The following MINPP1 variants were observed in gnomAD, a reference collection of about 807,000 sequenced individuals.
MINPP1 encodes multiple inositol-polyphosphate phosphatase 1, also known as multiple inositol polyphosphate phosphatase 1.
MINPP1 carries 28 observed loss-of-function variants against 46.1 expected under a neutral mutation model. The ratio of observed to expected loss-of-function variants is 0.61; its 90% CI spans 0.45 to 0.83. The LOEUF is 0.83. Among genes scored for constraint, MINPP1 ranks in the 40% least tolerant of loss-of-function variants. The pLI is 0.00. For missense variants in MINPP1, 603 were observed against 610.0 expected (o/e 0.99, Z 0.12); for synonymous variants, 268 against 249.1 (o/e 1.08, Z -0.72).
chr10:87,517,163 G>A (rs930117671), intron 3 of MINPP1, among the ~76,000 whole-genome samples: 2 of 151,896 alleles, frequency 1.3e-5, no homozygotes, highest in Non-Finnish European at 2.9e-5. Context: ...AAACTCCCAC[G>A]ACACAAGTTA....
chr10:87,516,362 A>G (rs1229221046), intron 3 of MINPP1, among the ~76,000 whole-genome samples: 2 of 104,742 alleles, frequency 1.9e-5, no homozygotes, highest in East Asian at 4.6e-4. Context: ...CTATACAGTG[A>G]TAGAAGTATA....
At chr10:87,520,454 C>T (rs1221798363) in intron 3 of MINPP1, among the ~76,000 whole-genome samples, 1 of 152,068 alleles carries the variant, frequency 6.6e-6, no homozygotes, top group African/African-American at 2.4e-5. Flanking sequence ...TACATTCCTT[C>T]CAACAGTACC....
rs917977335 is a variant in MINPP1 at position 87,522,644 on chromosome 10, C to T, written c.1067+1475C>T. 2.0e-5 allele frequency among the ~76,000 whole-genome samples: 3 copies of T among 152,164 alleles called. No homozygotes were observed. In the East Asian group the frequency reaches 5.8e-4, roughly 29 times the overall value. ...AGGAAATGCCCATGATCATCTGAGC[C>T]TTCAGAGAGTTGTAATCTTTTTGCA... On this transcript the variant is annotated intron_variant, in intron 4 of 4. Transcript: ENST00000371996.
chr10:87,514,203 C>T (rs1223132351), intron 3 of MINPP1, among the ~76,000 whole-genome samples: 4 of 152,052 alleles, frequency 2.6e-5, no homozygotes, highest in East Asian at 3.9e-4. Context: ...TTCTGTCTAC[C>T]GTGTGTATAT....
rs1171978902 is a variant in MINPP1, at chr10:87,517,146, A to G, written c.934-3890A>G. On this transcript the variant is annotated intron_variant, in intron 3 of 4. Coordinates refer to ENST00000371996, the MANE Select transcript of MINPP1 (RefSeq NM_004897.5). ...TAATAACTGGGTAATGAAGTAATCCATACAACAAACTCCCACGACACAAGT... is the reference window on the plus strand; with the variant it reads ...TAATAACTGGGTAATGAAGTAATCCGTACAACAAACTCCCACGACACAAGT... 2.6e-5 allele frequency among the ~76,000 whole-genome samples: 4 copies of G among 152,294 alleles called. No homozygotes were observed. The East Asian group carries it at 7.7e-4, about 29-fold the overall frequency.
chr10:87,542,597 G>A (rs1194431766), intron 4 of MINPP1, among the ~76,000 whole-genome samples: 2 of 152,164 alleles, frequency 1.3e-5, no homozygotes, highest in African/African-American at 4.8e-5. Flanking sequence ...ACTCTGCCAA[G>A]CCAGTCTTTA....
At position 87,521,144 on chromosome 10, in the gene MINPP1, G is replaced by C. The variant is rs1192494591; in HGVS notation, c.1042G>C (p.Asp348His). 1.2e-6 allele frequency: 2 copies of C among 1,611,702 alleles called. No individual in the cohort carries two copies. The highest frequency in any genetic ancestry group is 2.7e-5 in the African/African-American group (2 of 74,860). ...TLFQDIFQHL[D>H]KAVEQKQRSQ... is the part of the protein sequence containing the mutation. Reference sequence around the variant, plus strand: ...GTTTCAGGATATCTTTCAGCACTTGGACAAAGCAGTTGAACAGAAACAAAG... The same window carrying C: ...GTTTCAGGATATCTTTCAGCACTTGCACAAAGCAGTTGAACAGAAACAAAG... Residue 348 changes from aspartate to histidine, a missense_variant, in exon 4 of 5, where the codon GAC (aspartate) becomes CAC (histidine). This residue lies in a region of MINPP1 where 344 missense variants were observed against 381.1 expected (regional missense o/e 0.90). Coordinates refer to ENST00000371996, the MANE Select transcript of MINPP1 (RefSeq NM_004897.5).
At chr10:87,546,791 A>G (rs1851893218) in intron 4 of MINPP1, 1 of 152,142 alleles carries the variant, frequency 6.6e-6, no homozygotes, top group African/African-American at 2.4e-5. Context: ...TGAGTTGGGC[A>G]TGGTGGTGCA....
At chr10:87,518,508 C>A (rs1304924780) in intron 3 of MINPP1, among the ~76,000 whole-genome samples, 1 of 152,050 alleles carries the variant, frequency 6.6e-6, no homozygotes, top group Non-Finnish European at 1.5e-5. Context: ...CCATCACAAT[C>A]ATCAACACAG....
intron 4 of MINPP1, among the ~76,000 whole-genome samples, chr10:87,551,064 A>T (rs1012652717): frequency 6.6e-6 from 1 of 152,042 alleles, no homozygotes; most frequent in Non-Finnish European, 1.5e-5. Flanking sequence ...ACAGATACTG[A>T]TAATATCTAG....
At chr10:87,518,052 C>T (rs1407769895) in intron 3 of MINPP1, among the ~76,000 whole-genome samples, 3 of 148,234 alleles carry the variant, frequency 2.0e-5, no homozygotes, top group Admixed American at 1.4e-4. Context: ...CTCCACCTCC[C>T]GGGTTCAAGC....
rs1851212236 is a variant in MINPP1 at position 87,504,926 on chromosome 10, C to T, written c.11C>T (p.Ala4Val). The T allele has an allele frequency of 1.9e-6, 3 of 1,610,518 alleles. No individual in the cohort carries two copies. The highest frequency in any genetic ancestry group is 1.7e-6 in the Non-Finnish European group (2 of 1,179,180). Residue 4 changes from alanine to valine, a missense_variant, in exon 1 of 5, where the codon GCG (alanine) becomes GTG (valine). Transcript: ENST00000371996. MLR[A>V]PGCLLRTSVA... ...CTGACCGTCCCGACGATGCTACGCG[C>T]GCCCGGCTGCCTCCTCCGGACCTCC...
intron 4 of MINPP1, chr10:87,546,763 CA>C (rs570855661): frequency 6.6e-6 from 1 of 150,992 alleles, no homozygotes; most frequent in Non-Finnish European, 1.5e-5. Context: ...CCCGTTTCTA[CA>C]AAAAAAAACT....
chr10:87,513,523 G>C (rs1469001655), intron 3 of MINPP1, among the ~76,000 whole-genome samples: 1 of 152,062 alleles, frequency 6.6e-6, no homozygotes, highest in Non-Finnish European at 1.5e-5. Context: ...TTACTGCTTG[G>C]AAGGGATTAT....
At chr10:87,536,909 G>A (rs1851743838) in intron 4 of MINPP1, among the ~76,000 whole-genome samples, 1 of 152,022 alleles carries the variant, frequency 6.6e-6, no homozygotes, top group African/African-American at 2.4e-5. Context: ...TAATTAGATG[G>A]AATGGTTGAG....
intron 4 of MINPP1, among the ~76,000 whole-genome samples, chr10:87,522,377 A>T (rs1042960959): frequency 3.3e-5 from 5 of 152,164 alleles, no homozygotes; most frequent in African/African-American, 9.7e-5. Context: ...TTACAGTGTC[A>T]TAGGGTCATT....
rs751253859 is a variant in MINPP1 at position 87,508,419 on chromosome 10, A to G, written c.721A>G (p.Lys241Glu). 2.5e-6 allele frequency: 4 copies of G among 1,613,616 alleles called. No individual in the cohort carries two copies. In the South Asian group the frequency reaches 4.4e-5, roughly 18 times the overall value. ...HCEKFLTEVE[K>E]NATALYHVEA... ...TGAGAAGTTTTTAACTGAAGTAGAA[A>G]AAAATGCTACAGCTCTTTATCACGT... The change falls in exon 2 of 5, where the codon AAA becomes GAA. Residue 241 changes from lysine (K) to glutamate (E), a missense_variant. Physicochemically the swap from Lys to Glu is moderately conservative, Grantham distance 56. Around this residue, in one of 3 missense-constraint regions of MINPP1, gnomAD observed 344 missense variants for 381.1 expected, o/e 0.90. Coordinates refer to ENST00000371996, the MANE Select transcript of MINPP1 (RefSeq NM_004897.5).
chr10:87,546,249 T>C (rs1851884777), intron 4 of MINPP1, among the ~76,000 whole-genome samples: 1 of 152,178 alleles, frequency 6.6e-6, no homozygotes. Flanking sequence ...CCTTCCCTTT[T>C]TAGACCTTAT....
At chr10:87,543,491 C>CA (rs1280547344) in intron 4 of MINPP1, among the ~76,000 whole-genome samples, 1 of 151,936 alleles carries the variant, frequency 6.6e-6, no homozygotes, top group Non-Finnish European at 1.5e-5. Context: ...CTCATCTCTA[C>CA]AAAAAATAAA....
Sources: allele counts gnomAD v4.1 joint callset (sites outside exome capture counted in the v4.1 genomes callset), GRCh38; gene constraint gnomAD v4.1.1; regional missense constraint gnomAD v4.1.1; transcripts MANE v1.5; gene names NCBI Gene and HGNC (gene_info 2026-07-23, HGNC 2026-07-21).